MYO9A: variants seen among roughly 807,000 people sequenced by gnomAD.
The protein encoded by MYO9A is myosin IXA.
A neutral mutation model predicts 293.3 loss-of-function variants in MYO9A; 103 were observed. That is an observed-to-expected ratio of 0.35 (90% CI 0.30 to 0.41). The LOEUF (loss-of-function observed/expected upper bound fraction) is 0.41, where lower values mean the gene tolerates loss of function less well. Among genes scored for constraint, MYO9A ranks in the 10% least tolerant of loss-of-function variants. MYO9A has a pLI of 1.00. For synonymous variants in MYO9A, 1,001 were observed against 1,035.7 expected (o/e 0.97, Z 0.64); for missense variants, 2,685 against 3,033.0 (o/e 0.89, Z 2.69).
In MYO9A at chr15:72,118,106, C is replaced by T. The variant is rs1468807480; in HGVS notation, c.-498G>A. 2 of 389,788 alleles carry T rather than the reference C, an allele frequency of 5.1e-6. No homozygotes were observed. The highest frequency in any genetic ancestry group is 9.1e-6 in the Non-Finnish European group (2 of 220,610). 24.1% of individuals were successfully genotyped at this position (389,788 alleles called of 1,614,324 possible). A position where few individuals can be genotyped will look rare whatever the true frequency, so the allele number is the denominator to read the frequency against. On this transcript the variant is annotated 5_prime_UTR_variant, in exon 1 of 42. Coordinates refer to ENST00000356056, the MANE Select transcript of MYO9A (RefSeq NM_006901.4). ...CGCCCCCGACCCCGCGCACGCGGCCCCGCCCCGCGCGACTCCCCGGCTGCA... is the reference window on the plus strand; with the variant it reads ...CGCCCCCGACCCCGCGCACGCGGCCTCGCCCCGCGCGACTCCCCGGCTGCA...
intron 1 of MYO9A, among the ~76,000 whole-genome samples, chr15:72,051,190 G>A (rs570567608): frequency 6.6e-5 from 10 of 152,244 alleles, no homozygotes; most frequent in African/African-American, 2.2e-4. Flanking sequence ...TCAGTCTCCC[G>A]AGTAGCTGGG....
intron 18 of MYO9A, among the ~76,000 whole-genome samples, chr15:71,933,467 A>G (rs1226793795): frequency 6.6e-6 from 1 of 152,160 alleles, no homozygotes; most frequent in Non-Finnish European, 1.5e-5. Context: ...GGTATATATC[A>G]CAAATAAATA....
At chr15:71,903,696 C>T (rs1315555902) in intron 21 of MYO9A, among the ~76,000 whole-genome samples, 4 of 152,228 alleles carry the variant, frequency 2.6e-5, no homozygotes, top group South Asian at 2.1e-4. Context: ...GCAAACATTC[C>T]GAGCAAATGA....
chr15:71,999,410 T>G (rs1168191893), intron 9 of MYO9A, among the ~76,000 whole-genome samples: 2 of 151,664 alleles, frequency 1.3e-5, no homozygotes, highest in African/African-American at 2.4e-5. Flanking sequence ...CGTCCTAGGG[T>G]ACTCTACCTT....
chr15:71,931,093 A>G (rs2058462231), intron 18 of MYO9A, among the ~76,000 whole-genome samples: 1 of 152,204 alleles, frequency 6.6e-6, no homozygotes, highest in Non-Finnish European at 1.5e-5. Flanking sequence ...TACTAGAGAT[A>G]TCATTGATTT....
chr15:71,870,738 TAC>T (rs2056483330), intron 32 of MYO9A, among the ~76,000 whole-genome samples: 1 of 152,230 alleles, frequency 6.6e-6, no homozygotes, highest in African/African-American at 2.4e-5. Flanking sequence ...ATATCTAGAT[TAC>T]TTACAATGCC....
intron 24 of MYO9A, 92 bp from the exon 25 acceptor site, chr15:71,899,124 T>C (rs1012303163): frequency 8.4e-7 from 1 of 1,196,446 alleles, no homozygotes; most frequent in Non-Finnish European, 1.2e-6. Flanking sequence ...AAATGCAGAG[T>C]TGTAAAATCT....
chr15:71,907,208 T>C (rs1327793413), intron 19 of MYO9A, among the ~76,000 whole-genome samples: 20 of 151,080 alleles, frequency 1.3e-4, no homozygotes, highest in Non-Finnish European at 2.7e-4. Context: ...GTTTTTTGTT[T>C]TTGCGATAGT....
chr15:72,034,060 C>T (rs950573513), intron 2 of MYO9A, among the ~76,000 whole-genome samples: 4 of 152,152 alleles, frequency 2.6e-5, no homozygotes, highest in Admixed American at 1.3e-4. Flanking sequence ...TATACACGGA[C>T]GCACGCACAC....
intron 32 of MYO9A, among the ~76,000 whole-genome samples, chr15:71,867,508 T>C (rs760289441): frequency 9.9e-5 from 15 of 151,118 alleles, no homozygotes; most frequent in Admixed American, 2.0e-4. Flanking sequence ...AAGGGTAATC[T>C]CTCTAATGTA....
intron 12 of MYO9A, 108 bp downstream of exon 12, chr15:71,978,063 C>G (rs1405509097): frequency 2.4e-6 from 3 of 1,252,784 alleles, no homozygotes; most frequent in Non-Finnish European, 2.3e-6. Flanking sequence ...ATAAATTGTA[C>G]AAAAAAAATT....
In MYO9A at chr15:71,826,907, G is replaced by C; in HGVS notation, c.7320C>G (p.Asn2440Lys). 3.7e-6 allele frequency: 6 copies of C among 1,614,078 alleles called. No homozygotes were observed. Among genetic ancestry groups the C allele is most frequent in the Non-Finnish European group, 5.1e-6 (6 of 1,179,978 alleles). The change falls in exon 42 of 42, where the codon AAC becomes AAG. Residue 2440 changes from asparagine (N) to lysine (K), a missense_variant. This residue lies in a region of MYO9A where 350 missense variants were observed against 328.9 expected (regional missense o/e 1.06). Transcript: ENST00000356056. Reference sequence around the variant, plus strand: ...TTCTGGTCCCATGAGATGATGCCGTGTTAGACAGACATAAAGAGGAGACCG... The same window carrying C: ...TTCTGGTCCCATGAGATGATGCCGTCTTAGACAGACATAAAGAGGAGACCG... ...DSSVSSLCLSNTASSHGTRKL... is the reference protein window; with the variant it reads ...DSSVSSLCLSKTASSHGTRKL...
intron 1 of MYO9A, among the ~76,000 whole-genome samples, chr15:72,087,211 C>T (rs1365037194): frequency 6.6e-6 from 1 of 152,174 alleles, no homozygotes. Flanking sequence ...GGCCAGCAGA[C>T]CAAAGCATGC....
chr15:72,018,930 G>T (rs1192301423), intron 6 of MYO9A, 109 bp downstream of exon 6: 6 of 814,590 alleles, frequency 7.4e-6, no homozygotes, highest in Non-Finnish European at 1.3e-5. Context: ...TCCTTCCTAG[G>T]ATTCTTTGTA....
chr15:71,885,394 G>T (rs1018819160), intron 27 of MYO9A, among the ~76,000 whole-genome samples: 3 of 151,996 alleles, frequency 2.0e-5, no homozygotes, highest in Non-Finnish European at 2.9e-5. Flanking sequence ...CATGAAAACT[G>T]TTTGATTTTT....
At chr15:72,048,317 T>C (rs188928222) in intron 1 of MYO9A, among the ~76,000 whole-genome samples, 26 of 151,640 alleles carry the variant, frequency 1.7e-4, no homozygotes, top group African/African-American at 5.8e-4. Context: ...GAGAATCACT[T>C]GAACCCGGGA....
At chr15:72,021,823 G>A (rs191044946) in intron 4 of MYO9A, among the ~76,000 whole-genome samples, 38 of 152,178 alleles carry the variant, frequency 2.5e-4, no homozygotes, top group African/African-American at 9.2e-4. Flanking sequence ...ACATGCCCAG[G>A]GTTGTGTGTG....
chr15:71,934,781 CTTTTCTT>C (rs2058584658), intron 17 of MYO9A, among the ~76,000 whole-genome samples: 1 of 79,966 alleles, frequency 1.3e-5, no homozygotes, highest in Non-Finnish European at 2.6e-5. Context: ...TTTTTCTTTT[CTTTTCTT>C]TTTTTTTTTT....
At chr15:71,984,697 C>G (rs374404416) in intron 11 of MYO9A, among the ~76,000 whole-genome samples, 3 of 152,144 alleles carry the variant, frequency 2.0e-5, no homozygotes, top group Non-Finnish European at 4.4e-5. Context: ...TAACCTGTAT[C>G]TTACTATTAA....
Sources: gnomAD v4.1 joint callset for allele counts (sites outside exome capture counted in the v4.1 genomes callset) on GRCh38, gnomAD v4.1.1 for gene constraint, gnomAD v4.1.1 regional missense constraint, MANE v1.5 for transcripts, NCBI Gene and HGNC (gene_info 2026-07-23, HGNC 2026-07-21) for gene names.